The following CUL1 variants were observed in gnomAD, a reference collection of about 807,000 sequenced individuals.
CUL1 encodes cullin-1.
In CUL1, 24 loss-of-function variants were observed where a neutral mutation model predicts 118.0. The observed-to-expected ratio is 0.20, with a 90% CI of 0.15 to 0.29. The LOEUF is 0.29. Ranked by LOEUF, CUL1 falls within the 10% of genes least tolerant of loss-of-function variation. The pLI is 1.00. For synonymous variants in CUL1, 332 were observed against 340.4 expected, an observed-to-expected ratio of 0.98 and a Z score of 0.27; for missense variants, 361 against 933.8, an observed-to-expected ratio of 0.39 and a Z score of 7.99.
chr7:148,768,888 A>G (rs1253014772), intron 9 of CUL1, among the ~76,000 whole-genome samples: 1 of 152,050 alleles, frequency 6.6e-6, no homozygotes, highest in Non-Finnish European at 1.5e-5. Context: ...AGCCGCCTCT[A>G]TGAATTATTA....
chr7:148,756,556 T>C (rs923456669), intron 3 of CUL1, among the ~76,000 whole-genome samples: 1 of 152,126 alleles, frequency 6.6e-6, no homozygotes. Flanking sequence ...AGGCTGGTCT[T>C]GAACTCCTGA....
chr7:148,712,245 C>A (rs1798075328), intron 1 of CUL1, among the ~76,000 whole-genome samples: 1 of 152,164 alleles, frequency 6.6e-6, no homozygotes, highest in Non-Finnish European at 1.5e-5. Context: ...AGCAAGAGAG[C>A]TAGGAAGTCC....
upstream of CUL1, chr7:148,698,148 A>T (rs1797581620): frequency 1.3e-5 from 2 of 152,228 alleles, no homozygotes; most frequent in South Asian, 4.1e-4. Flanking sequence ...TGCAGGTGGT[A>T]AGGGGGTCGA....
chr7:148,773,417 C>T (rs1800286408), intron 9 of CUL1, among the ~76,000 whole-genome samples: 1 of 152,120 alleles, frequency 6.6e-6, no homozygotes, highest in Admixed American at 6.5e-5. Flanking sequence ...ACTCTTCTAT[C>T]CTAAGCCCTA....
chr7:148,709,518 T>G (rs1050972724), intron 1 of CUL1, among the ~76,000 whole-genome samples: 1 of 152,244 alleles, frequency 6.6e-6, no homozygotes, highest in Non-Finnish European at 1.5e-5. Flanking sequence ...TTTACCTTGT[T>G]AAAAATATTA....
At chr7:148,714,032 A>G (rs1258096434) in intron 1 of CUL1, among the ~76,000 whole-genome samples, 1 of 152,156 alleles carries the variant, frequency 6.6e-6, no homozygotes, top group Non-Finnish European at 1.5e-5. Context: ...ATGTGTGTAT[A>G]TTTATATAAT....
intron 7 of CUL1, among the ~76,000 whole-genome samples, chr7:148,761,116 C>T (rs1799813139): frequency 6.6e-6 from 1 of 152,174 alleles, no homozygotes; most frequent in South Asian, 2.1e-4. Context: ...ATCCTGCCAC[C>T]TGGGCCTCCG....
chr7:148,792,301 G>T (rs11977480), intron 16 of CUL1, among the ~76,000 whole-genome samples: 3,225 of 151,924 alleles, frequency 0.021, 101 homozygotes, highest in African/African-American at 0.074. Context: ...TTTGATATTT[G>T]TGTTGTTTTA....
intron 17 of CUL1, among the ~76,000 whole-genome samples, chr7:148,796,447 G>A (rs183353948): frequency 5.3e-5 from 8 of 152,224 alleles, no homozygotes; most frequent in Non-Finnish European, 1.0e-4. Context: ...TTTGGTTTTC[G>A]TGTCTGGCTA....
intron 11 of CUL1, among the ~76,000 whole-genome samples, chr7:148,784,839 C>T (rs1800765152): frequency 6.6e-6 from 1 of 152,068 alleles, no homozygotes; most frequent in African/African-American, 2.4e-5. Context: ...CCGAGAAATA[C>T]CCACATACCA....
chr7:148,755,351 C>CTCT (rs1475408129), intron 3 of CUL1, among the ~76,000 whole-genome samples: 1 of 152,214 alleles, frequency 6.6e-6, no homozygotes, highest in Non-Finnish European at 1.5e-5. Context: ...TTTGCAGGAA[C>CTCT]TCTTCTGTGT....
intron 4 of CUL1, among the ~76,000 whole-genome samples, chr7:148,758,639 G>C (rs1461118875): frequency 6.6e-6 from 1 of 152,068 alleles, no homozygotes; most frequent in African/African-American, 2.4e-5. Context: ...AAAGCATAAT[G>C]TATCCCAGAT....
intron 19 of CUL1, 58 bp downstream of exon 19, chr7:148,798,077 C>A: frequency 9.9e-7 from 1 of 1,010,694 alleles, no homozygotes. Context: ...CCCGGGAGCC[C>A]TAGCACGGAT....
In CUL1 at chr7:148,753,158, C is replaced by T. The variant is rs192226211; in HGVS notation, c.141-818C>T. ...TTTATTAGATAATCTATCTTTTACC[C>T]GTTGTCTTGAAGTATCTTTATATAG... is the stretch of plus-strand genomic sequence containing the variant. On this transcript the variant is annotated intron_variant, in intron 2 of 21. Coordinates refer to ENST00000325222, the MANE Select transcript of CUL1 (RefSeq NM_003592.3). 8.7e-4 allele frequency among the ~76,000 whole-genome samples: 132 copies of T among 152,120 alleles called. 1 individual carries two copies. The highest frequency in any genetic ancestry group is 1.5e-3 in the Non-Finnish European group (103 of 68,000).
At chr7:148,736,304 A>G (rs1477267801) in intron 2 of CUL1, among the ~76,000 whole-genome samples, 1 of 152,124 alleles carries the variant, frequency 6.6e-6, no homozygotes, top group East Asian at 1.9e-4. Flanking sequence ...TTAGAGATAT[A>G]TTTTTTTGTT....
chr7:148,711,586 A>G (rs1465638696), intron 1 of CUL1, among the ~76,000 whole-genome samples: 1 of 152,238 alleles, frequency 6.6e-6, no homozygotes, highest in African/African-American at 2.4e-5. Context: ...ACCAGTTTGT[A>G]GTGAAACGGG....
Position 148,767,783 on chromosome 7 carries a change from G to A in CUL1, c.1083+34G>A, listed in dbSNP as rs1237132774. The stretch of plus-strand genomic sequence containing the variant: ...GATTTCATTGAAAATCAGTCAGGCT[G>A]ATTATTTCCACATGCGAACTGCAAG... On this transcript the variant is annotated intron_variant, in intron 9 of 21. Transcript: ENST00000325222. 3.1e-6 allele frequency: 5 copies of A among 1,605,762 alleles called. No homozygotes were observed. The South Asian group carries it at 4.4e-5, about 14-fold the overall frequency.
intron 6 of CUL1, among the ~76,000 whole-genome samples, chr7:148,760,100 C>G (rs1041358700): frequency 7.2e-5 from 11 of 152,180 alleles, no homozygotes; most frequent in Non-Finnish European, 1.5e-4. Context: ...AATTTTGAAG[C>G]ATACCTGGCC....
At chr7:148,726,591 C>T (rs973848170) in intron 1 of CUL1, among the ~76,000 whole-genome samples, 7 of 152,060 alleles carry the variant, frequency 4.6e-5, no homozygotes, top group East Asian at 1.9e-4. Flanking sequence ...ACTTTAAAAA[C>T]GGAAGAACCT....
Sources: allele counts gnomAD v4.1 joint callset (sites outside exome capture counted in the v4.1 genomes callset), GRCh38; gene constraint gnomAD v4.1.1; transcripts MANE v1.5; gene names NCBI Gene and HGNC (gene_info 2026-07-23, HGNC 2026-07-21).